PDE4D: variants seen among roughly 807,000 people sequenced by gnomAD.
PDE4D encodes phosphodiesterase 4D.
PDE4D carries 24 observed loss-of-function variants against 87.4 expected under a neutral mutation model. The ratio of observed to expected loss-of-function variants is 0.27; its 90% CI spans 0.20 to 0.39. The LOEUF is 0.39. Among genes scored for constraint, PDE4D ranks in the 10% least tolerant of loss-of-function variants. The pLI is 1.00. For missense variants in PDE4D, 714 were observed against 1,041.0 expected, an observed-to-expected ratio of 0.69 and a Z score of 4.32; for synonymous variants, 384 against 383.2, an observed-to-expected ratio of 1.00 and a Z score of -0.02.
chr5:60,228,618 C>T (rs774016320), intron 1 of PDE4D, among the ~76,000 whole-genome samples: 15 of 151,954 alleles, frequency 9.9e-5, no homozygotes. Context: ...CAAAAGCAAG[C>T]TGTGCCAATT....
chr5:59,970,576 C>T (rs1156817929), intron 3 of PDE4D, among the ~76,000 whole-genome samples: 1 of 152,148 alleles, frequency 6.6e-6, no homozygotes, highest in Non-Finnish European at 1.5e-5. Flanking sequence ...CAAAAGAAGA[C>T]ATTTGTGCAG....
At chr5:59,569,441 C>G (rs987343340) in intron 1 of PDE4D, among the ~76,000 whole-genome samples, 2 of 152,104 alleles carry the variant, frequency 1.3e-5, no homozygotes, top group Admixed American at 6.6e-5. Flanking sequence ...GCAAAAAGTA[C>G]GACATATAAA....
chr5:59,114,008 A>G (rs1773132138), intron 5 of PDE4D, among the ~76,000 whole-genome samples: 2 of 152,210 alleles, frequency 1.3e-5, no homozygotes, highest in African/African-American at 4.8e-5. Flanking sequence ...CTGATATTAT[A>G]TACCCTTTTG....
intron 1 of PDE4D, among the ~76,000 whole-genome samples, chr5:59,601,589 T>C (rs2150031536): frequency 6.6e-6 from 1 of 152,238 alleles, no homozygotes; most frequent in African/African-American, 2.4e-5. Context: ...TCTTTCTTTT[T>C]CCTCTATGTT....
At chr5:60,277,871 C>T (rs1258311279) in intron 1 of PDE4D, among the ~76,000 whole-genome samples, 2 of 152,100 alleles carry the variant, frequency 1.3e-5, no homozygotes, top group African/African-American at 4.8e-5. Flanking sequence ...CTTTAACCCT[C>T]CACACTTATA....
In PDE4D at chr5:59,872,116, C is replaced by T. The variant is rs1263156571; in HGVS notation, c.455+21052G>A. ...GTGAAGGAAGTCAAGTAGAACTAAA[C>T]TTGGCGACGATGGGAGAAGAAAGGC... is the stretch of plus-strand genomic sequence containing the variant. On this transcript the variant is annotated intron_variant, in intron 1 of 14. Coordinates refer to ENST00000340635, the MANE Select transcript of PDE4D (RefSeq NM_001104631.2). 3.9e-5 allele frequency among the ~76,000 whole-genome samples: 6 copies of T among 152,114 alleles called. No individual in the cohort carries two copies. The East Asian group carries it at 5.8e-4, about 15-fold the overall frequency.
At chr5:60,255,334 G>A (rs1359039427) in intron 1 of PDE4D, among the ~76,000 whole-genome samples, 1 of 151,818 alleles carries the variant, frequency 6.6e-6, no homozygotes, top group Non-Finnish European at 1.5e-5. Context: ...AACCAGAAAT[G>A]TTAACATTAT....
At chr5:59,682,451 C>T (rs1282717675) in intron 1 of PDE4D, among the ~76,000 whole-genome samples, 1 of 152,126 alleles carries the variant, frequency 6.6e-6, no homozygotes, top group African/African-American at 2.4e-5. Context: ...CCAGGAAACA[C>T]AAAATAAACT....
intron 1 of PDE4D, among the ~76,000 whole-genome samples, chr5:59,456,285 C>T (rs1799912547): frequency 6.6e-6 from 1 of 152,144 alleles, no homozygotes; most frequent in Non-Finnish European, 1.5e-5. Flanking sequence ...CAGCTCTTTC[C>T]TGTGCTATTC....
chr5:59,492,448 G>C (rs1562279231), intron 1 of PDE4D, among the ~76,000 whole-genome samples: 1 of 152,152 alleles, frequency 6.6e-6, no homozygotes, highest in Non-Finnish European at 1.5e-5. Context: ...TGTTCTTTTT[G>C]AAGAGTTAAG....
At chr5:59,593,304 A>G (rs953445254) in intron 1 of PDE4D, among the ~76,000 whole-genome samples, 3 of 150,424 alleles carry the variant, frequency 2.0e-5, no homozygotes, top group African/African-American at 7.3e-5. Context: ...GGTGGTTCGC[A>G]CCTGTAATGG....
intron 1 of PDE4D, among the ~76,000 whole-genome samples, chr5:60,287,317 C>T (rs1005353096): frequency 6.6e-6 from 1 of 152,162 alleles, no homozygotes; most frequent in Non-Finnish European, 1.5e-5. Context: ...GCTCCCCTAG[C>T]TGTCAGATGG....
intron 2 of PDE4D, among the ~76,000 whole-genome samples, chr5:59,992,766 A>T (rs1297391714): frequency 6.6e-6 from 1 of 152,204 alleles, no homozygotes; most frequent in Non-Finnish European, 1.5e-5. Flanking sequence ...ACTCATGCTT[A>T]TACTCTGTTA....
At chr5:59,937,076 A>G (rs765014605) in intron 3 of PDE4D, among the ~76,000 whole-genome samples, 1 of 152,154 alleles carries the variant, frequency 6.6e-6, no homozygotes, top group Non-Finnish European at 1.5e-5. Flanking sequence ...ATCTCCTTTA[A>G]TCCTCACAAC....
chr5:60,201,206 CA>C (rs1161235940), intron 1 of PDE4D, among the ~76,000 whole-genome samples: 3,709 of 61,892 alleles, frequency 0.06, 105 homozygotes, highest in African/African-American at 0.13. Context: ...AAAAAGAAAG[CA>C]AAAAAAAAAA....
chr5:60,471,827 G>T (rs1240774024), intron 1 of PDE4D, among the ~76,000 whole-genome samples: 1 of 152,154 alleles, frequency 6.6e-6, no homozygotes, highest in Non-Finnish European at 1.5e-5. Flanking sequence ...ATGTTTGCAT[G>T]GCTTGCCCTA....
chr5:59,272,893 A>T (rs1764092119), intron 1 of PDE4D, among the ~76,000 whole-genome samples: 1 of 152,160 alleles, frequency 6.6e-6, no homozygotes. Flanking sequence ...AAACAAATAG[A>T]AAAAGGTAAA....
chr5:59,412,067 A>G (rs1420225999), intron 1 of PDE4D, among the ~76,000 whole-genome samples: 4 of 152,218 alleles, frequency 2.6e-5, no homozygotes, highest in African/African-American at 4.8e-5. Context: ...GGCTTTGTTG[A>G]GAAGGATAAG....
At chr5:58,977,082 T>C (rs1428632533) in intron 12 of PDE4D, 109 bp downstream of exon 12, 2 of 964,498 alleles carry the variant, frequency 2.1e-6, no homozygotes, top group Admixed American at 2.4e-5. Context: ...AGGGCCATAA[T>C]ATGTTTTGAA....
Sources: allele counts gnomAD v4.1 joint callset (sites outside exome capture counted in the v4.1 genomes callset), GRCh38; gene constraint gnomAD v4.1.1; transcripts MANE v1.5; gene names NCBI Gene and HGNC (gene_info 2026-07-23, HGNC 2026-07-21).